PKNOX1: variants seen among roughly 807,000 people sequenced by gnomAD.
The protein encoded by PKNOX1 is homeobox protein PKNOX1.
PKNOX1 carries 15 observed loss-of-function variants against 51.9 expected under a neutral mutation model. The ratio of observed to expected loss-of-function variants is 0.29; its 90% CI spans 0.19 to 0.45. The LOEUF is 0.45. PKNOX1 is among the 20% of genes least tolerant of loss of function. The probability of loss-of-function intolerance (pLI) is 1.00; values close to 1 mark genes in which losing one functional copy is unlikely to be tolerated. For synonymous variants in PKNOX1, 219 were observed against 211.1 expected (o/e 1.04, Z -0.32); for missense variants, 462 against 547.5 (o/e 0.84, Z 1.56).
At chr21:43,025,845 T>C (rs1199697857) in intron 9 of PKNOX1, among the ~76,000 whole-genome samples, 1 of 152,222 alleles carries the variant, frequency 6.6e-6, no homozygotes, top group East Asian at 1.9e-4. Flanking sequence ...CTTTGTGCAG[T>C]CGTGTGTGCG....
At chr21:42,997,081 A>C (rs897966196) in intron 1 of PKNOX1, among the ~76,000 whole-genome samples, 2 of 151,856 alleles carry the variant, frequency 1.3e-5, no homozygotes, top group African/African-American at 4.8e-5. Flanking sequence ...GGGTTTCGCT[A>C]TTTTGGTCAG....
intron 1 of PKNOX1, among the ~76,000 whole-genome samples, chr21:42,992,966 G>T (rs2059096093): frequency 6.9e-6 from 1 of 145,680 alleles, no homozygotes; most frequent in Non-Finnish European, 1.5e-5. Context: ...CTTTCTCATA[G>T]CAGTGTCAGG....
rs1279371921 is a variant in PKNOX1, at chr21:43,013,037, TC to T, written c.352-30del. 4 of 1,542,750 alleles carry T rather than the reference TC, an allele frequency of 2.6e-6. No homozygotes were observed. In the East Asian group the frequency reaches 9.3e-5, roughly 36 times the overall value. On this transcript the variant is annotated intron_variant, in intron 4 of 10. Transcript: ENST00000291547. ...ATAACTTACAATAATGCCACCTTTT[TC>T]TCTGAAAGTCTTCATTTTCTCTGCT...
At chr21:43,000,109 C>G (rs1227977264) in intron 1 of PKNOX1, among the ~76,000 whole-genome samples, 1 of 152,136 alleles carries the variant, frequency 6.6e-6, no homozygotes, top group Non-Finnish European at 1.5e-5. Flanking sequence ...CAAAGCCATT[C>G]AACAAGTCTC....
rs572632741 is a variant in PKNOX1, at chr21:42,977,613, T to G, written c.-57+2949T>G. ...CCCAAGCTGGAGAGCAATGGCGTGA[T>G]CTCGGCTCACTGCAACCTCCACCTC... On this transcript the variant is annotated intron_variant, in intron 1 of 10. Transcript: ENST00000291547. Among the ~76,000 whole-genome samples the G allele has an allele frequency of 3.5e-5, 5 of 144,926 alleles. 1 individual carries two copies. In the South Asian group the frequency reaches 1.1e-3, roughly 32 times the overall value.
At chr21:43,002,819 C>T (rs1601286008) in intron 1 of PKNOX1, among the ~76,000 whole-genome samples, 1 of 152,164 alleles carries the variant, frequency 6.6e-6, no homozygotes, top group African/African-American at 2.4e-5. Context: ...TGGGTTCAAG[C>T]GATTCTGCTG....
At chr21:43,026,629 C>T (rs1979993415) in intron 9 of PKNOX1, among the ~76,000 whole-genome samples, 1 of 152,112 alleles carries the variant, frequency 6.6e-6, no homozygotes, top group Non-Finnish European at 1.5e-5. Flanking sequence ...TGGTGGTGCA[C>T]ACCTGTAATC....
rs750645558 is a variant in PKNOX1 at position 43,016,933 on chromosome 21, C to T, written c.548C>T (p.Thr183Ile). Reference protein sequence around the residue: ...SQQIQSAITGTISPQGIVVPA... With the variant: ...SQQIQSAITGIISPQGIVVPA... ...CAGATTCAAAGTGCCATCACAGGCA[C>T]CATCAGCCCTCAGGGAATTGTGGTG... The change falls in exon 6 of 11, where the codon ACC becomes ATC. Residue 183 changes from threonine to isoleucine, a missense_variant. Around this residue, in one of 5 missense-constraint regions of PKNOX1, gnomAD observed 126 missense variants for 128.1 expected, o/e 0.98. Transcript: ENST00000291547. 2 of 1,610,700 alleles carry T rather than the reference C, an allele frequency of 1.2e-6. No individual in the cohort carries two copies. Among genetic ancestry groups the T allele is most frequent in the Non-Finnish European group, 1.7e-6 (2 of 1,177,680 alleles).
chr21:43,033,028 ATTC>A lies in PKNOX1; in HGVS notation c.*2930_*2932del, dbSNP rs757005824. 3.3e-5 allele frequency: 5 copies of A among 152,206 alleles called. No individual in the cohort carries two copies. 9.4% of individuals were successfully genotyped at this position (152,206 alleles called of 1,614,324 possible). A position where few individuals can be genotyped will look rare whatever the true frequency, so the allele number is the denominator to read the frequency against. The stretch of plus-strand genomic sequence containing the variant: ...AATGATCAGATTCGGTTCCAGTTTT[ATTC>A]TTGTTGAGTTTTTCCCTATGAAGGC... On this transcript the variant is annotated 3_prime_UTR_variant, in exon 11 of 11. Transcript: ENST00000291547.
intron 9 of PKNOX1, among the ~76,000 whole-genome samples, chr21:43,026,863 G>A (rs1185089278): frequency 2.0e-5 from 3 of 152,196 alleles, no homozygotes; most frequent in Admixed American, 1.3e-4. Context: ...GGGATCACCA[G>A]GTTCCTCTAA....
chr21:43,004,293 A>T, intron 1 of PKNOX1, 33 bp from the exon 2 acceptor site: 1 of 910,896 alleles, frequency 1.1e-6, no homozygotes, highest in Non-Finnish European at 1.8e-6. Context: ...CTCTACAACT[A>T]TTAACTGATG....
intron 8 of PKNOX1, among the ~76,000 whole-genome samples, chr21:43,023,750 G>A (rs1979866880): frequency 6.6e-6 from 1 of 152,010 alleles, no homozygotes; most frequent in African/African-American, 2.4e-5. Flanking sequence ...GAATAGCTGG[G>A]ACTACAGGTG....
chr21:42,993,097 C>G (rs904085564), intron 1 of PKNOX1, among the ~76,000 whole-genome samples: 1 of 152,080 alleles, frequency 6.6e-6, no homozygotes, highest in Non-Finnish European at 1.5e-5. Context: ...CCACTGCATT[C>G]TCTTGTTCTC....
intron 2 of PKNOX1, among the ~76,000 whole-genome samples, chr21:43,006,228 A>G (rs1420905427): frequency 6.6e-6 from 1 of 152,048 alleles, no homozygotes; most frequent in Non-Finnish European, 1.5e-5. Context: ...GGTTCAAGCA[A>G]TTCTCCTGTC....
intron 1 of PKNOX1, among the ~76,000 whole-genome samples, chr21:42,979,825 C>G (rs1389147687): frequency 1.3e-5 from 2 of 152,182 alleles, no homozygotes; most frequent in Non-Finnish European, 2.9e-5. Context: ...TACAGATGCT[C>G]CCAGTGCCTT....
At chr21:42,995,025 G>A (rs1420958858) in intron 1 of PKNOX1, among the ~76,000 whole-genome samples, 3 of 148,840 alleles carry the variant, frequency 2.0e-5, no homozygotes, top group African/African-American at 2.5e-5. Flanking sequence ...GGGTTCAAGC[G>A]ATTTTTCTGC....
chr21:42,991,645 G>A (rs139835089), intron 1 of PKNOX1, among the ~76,000 whole-genome samples: 7,365 of 151,926 alleles, frequency 0.048, 339 homozygotes, highest in Admixed American at 0.15. Flanking sequence ...GGAGAATGGC[G>A]TGAACCCCAG....
chr21:43,027,058 G>A (rs1980013674), intron 9 of PKNOX1, among the ~76,000 whole-genome samples: 1 of 152,096 alleles, frequency 6.6e-6, no homozygotes, highest in African/African-American at 2.4e-5. Context: ...ACAAACCAGA[G>A]TAGAATCTGA....
intron 5 of PKNOX1, among the ~76,000 whole-genome samples, chr21:43,014,123 G>A (rs1467101206): frequency 6.8e-6 from 1 of 148,106 alleles, no homozygotes; most frequent in Admixed American, 6.9e-5. Context: ...CTGGGTTCAT[G>A]CCATTCTCCT....
Sources: gnomAD v4.1 joint callset for allele counts (sites outside exome capture counted in the v4.1 genomes callset) on GRCh38, gnomAD v4.1.1 for gene constraint, gnomAD v4.1.1 regional missense constraint, MANE v1.5 for transcripts, NCBI Gene and HGNC (gene_info 2026-07-23, HGNC 2026-07-21) for gene names.